PTPRK: variants seen among roughly 807,000 people sequenced by gnomAD.
The protein encoded by PTPRK is protein tyrosine phosphatase receptor type K.
PTPRK carries 75 observed loss-of-function variants against 178.0 expected under a neutral mutation model. The ratio of observed to expected loss-of-function variants is 0.42; its 90% CI spans 0.35 to 0.51. The LOEUF is 0.51. Among genes scored for constraint, PTPRK ranks in the 20% least tolerant of loss-of-function variants. The pLI is 0.02. For missense variants in PTPRK, 1,441 were observed against 1,797.8 expected, an observed-to-expected ratio of 0.80 and a Z score of 3.59; for synonymous variants, 637 against 620.6, an observed-to-expected ratio of 1.03 and a Z score of -0.39.
chr6:128,413,177 T>C (rs1027489302), intron 1 of PTPRK, among the ~76,000 whole-genome samples: 1 of 152,128 alleles, frequency 6.6e-6, no homozygotes, highest in Non-Finnish European at 1.5e-5. Flanking sequence ...AAGGCAATTA[T>C]ATTCTAAACT....
At chr6:128,431,723 T>G (rs904260893) in intron 1 of PTPRK, among the ~76,000 whole-genome samples, 1 of 152,194 alleles carries the variant, frequency 6.6e-6, no homozygotes, top group African/African-American at 2.4e-5. Flanking sequence ...TTACAAAACC[T>G]CCTTTAAGCG....
chr6:128,232,858 G>A (rs1028210852), intron 5 of PTPRK, among the ~76,000 whole-genome samples: 5 of 152,284 alleles, frequency 3.3e-5, no homozygotes, highest in East Asian at 3.9e-4. Context: ...CTTTGACCAC[G>A]TCCAGACATT....
At chr6:128,282,207 T>C (rs983481540) in intron 3 of PTPRK, among the ~76,000 whole-genome samples, 2 of 152,176 alleles carry the variant, frequency 1.3e-5, no homozygotes, top group African/African-American at 4.8e-5. Flanking sequence ...TTTGCTTTTG[T>C]AGAAAAGGCA....
chr6:128,237,830 GT>G (rs111501452), intron 5 of PTPRK, among the ~76,000 whole-genome samples: 4 of 150,702 alleles, frequency 2.7e-5, no homozygotes, highest in Non-Finnish European at 5.9e-5. Context: ...GCTTTATTAT[GT>G]TTTTTTTTAC....
At chr6:128,280,331 C>A (rs1431634319) in intron 3 of PTPRK, among the ~76,000 whole-genome samples, 6 of 152,242 alleles carry the variant, frequency 3.9e-5, no homozygotes, top group African/African-American at 1.2e-4. Flanking sequence ...CTCCTAGTAG[C>A]TTCTCAATGT....
intron 7 of PTPRK, among the ~76,000 whole-genome samples, chr6:128,092,531 A>G (rs901168794): frequency 1.3e-5 from 2 of 152,200 alleles, no homozygotes; most frequent in South Asian, 4.1e-4. Flanking sequence ...ATAGATACAC[A>G]CATATACATA....
intron 1 of PTPRK, among the ~76,000 whole-genome samples, chr6:128,488,221 G>A (rs925994716): frequency 2.6e-5 from 4 of 152,182 alleles, no homozygotes; most frequent in Admixed American, 2.0e-4. Context: ...TCCAGCACAG[G>A]AGAAAGATGA....
At chr6:128,243,276 A>T (rs1814795507) in intron 3 of PTPRK, among the ~76,000 whole-genome samples, 1 of 152,052 alleles carries the variant, frequency 6.6e-6, no homozygotes, top group Non-Finnish European at 1.5e-5. Flanking sequence ...GTTAAGAAAA[A>T]AAAAGTTTCT....
intron 1 of PTPRK, among the ~76,000 whole-genome samples, chr6:128,433,051 C>T (rs368817385): frequency 6.6e-6 from 1 of 151,966 alleles, no homozygotes; most frequent in East Asian, 1.9e-4. Flanking sequence ...TTCATGTATA[C>T]AATATGTATT....
intron 5 of PTPRK, among the ~76,000 whole-genome samples, chr6:128,226,847 G>C (rs996430883): frequency 7.0e-6 from 1 of 141,988 alleles, no homozygotes; most frequent in African/African-American, 2.6e-5. Context: ...TTACTTTCTT[G>C]AGGCCAGAGG....
intron 1 of PTPRK, among the ~76,000 whole-genome samples, chr6:128,453,626 C>T (rs1410875966): frequency 2.0e-5 from 3 of 152,034 alleles, no homozygotes; most frequent in African/African-American, 2.4e-5. Context: ...AGAAATGCTT[C>T]GAAAGAAATC....
chr6:128,028,169 A>T (rs1013986754), intron 13 of PTPRK, among the ~76,000 whole-genome samples: 10 of 152,250 alleles, frequency 6.6e-5, no homozygotes, highest in Non-Finnish European at 1.5e-4. Context: ...ATTAAAACAC[A>T]TAAAAATGTG....
Position 128,067,567 on chromosome 6 carries a change from C to T in PTPRK, c.2109G>A (p.Pro703=), listed in dbSNP as rs574845755. The change falls in exon 12 of 30, where the codon CCG becomes CCA. Residue 703 remains proline, a synonymous_variant. Coordinates refer to ENST00000368226, the MANE Select transcript of PTPRK (RefSeq NM_002844.4). ...GGAAATAGATGTTGTATCCTTTGCG[C>T]GGAGCCAAAGGAGGGTTCCAAAAGC... ...YQGFWNPPLA[P]RKGYNIYFQA... 15 of 1,609,502 alleles carry T rather than the reference C, an allele frequency of 9.3e-6. No individual in the cohort carries two copies. The highest frequency in any genetic ancestry group is 6.7e-5 in the East Asian group (3 of 44,748).
chr6:128,114,930 T>C (rs1791244382), intron 7 of PTPRK, among the ~76,000 whole-genome samples: 2 of 152,002 alleles, frequency 1.3e-5, no homozygotes, highest in South Asian at 2.1e-4. Flanking sequence ...ATCACAGACT[T>C]TGTTTTTCTT....
intron 3 of PTPRK, among the ~76,000 whole-genome samples, chr6:128,309,750 T>C (rs183026476): frequency 6.6e-6 from 1 of 151,650 alleles, no homozygotes; most frequent in Non-Finnish European, 1.5e-5. Context: ...CCATTCCCTC[T>C]GAATTAAGAT....
chr6:127,988,798 C>CT (rs1776261860), intron 21 of PTPRK, among the ~76,000 whole-genome samples: 1 of 151,656 alleles, frequency 6.6e-6, no homozygotes, highest in South Asian at 2.1e-4. Context: ...CAAGCTTTTT[C>CT]TTTTTTCTCA....
chr6:128,225,695 A>T (rs1234579617), intron 5 of PTPRK, among the ~76,000 whole-genome samples: 1 of 152,088 alleles, frequency 6.6e-6, no homozygotes. Context: ...ATACTATGTT[A>T]TTATTTTGAG....
chr6:128,032,434 G>T (rs967754165), intron 13 of PTPRK, among the ~76,000 whole-genome samples: 2 of 152,138 alleles, frequency 1.3e-5, no homozygotes, highest in African/African-American at 4.8e-5. Context: ...GATTGTAAAG[G>T]CCACAGCTCT....
At chr6:128,442,862 A>G (rs2128401175) in intron 1 of PTPRK, among the ~76,000 whole-genome samples, 1 of 152,356 alleles carries the variant, frequency 6.6e-6, no homozygotes, top group South Asian at 2.1e-4. Context: ...CAGTACATTA[A>G]TACAGTATCA....
Sources: gnomAD v4.1 joint callset for allele counts (sites outside exome capture counted in the v4.1 genomes callset) on GRCh38, gnomAD v4.1.1 for gene constraint, MANE v1.5 for transcripts, NCBI Gene and HGNC (gene_info 2026-07-23, HGNC 2026-07-21) for gene names.